Variants in RBFOX1 observed in about 807,000 individuals in gnomAD.
RBFOX1 encodes the protein RNA binding protein fox-1 homolog 1.
Under a neutral mutation model 57.7 loss-of-function variants are expected in RBFOX1, and 8 were observed. That is an observed-to-expected ratio of 0.14 (90% CI 0.08 to 0.25). The LOEUF is 0.25. Among genes scored for constraint, RBFOX1 ranks in the 10% least tolerant of loss-of-function variants. The pLI is 1.00. For missense variants in RBFOX1, 611 were observed against 548.5 expected, an observed-to-expected ratio of 1.11 and a Z score of -1.14; for synonymous variants, 326 against 222.4, an observed-to-expected ratio of 1.47 and a Z score of -4.15.
At chr16:6,178,663 G>A (rs189410707) in intron 1 of RBFOX1, among the ~76,000 whole-genome samples, 92 of 152,210 alleles carry the variant, frequency 6.0e-4, no homozygotes, top group African/African-American at 2.1e-3. Context: ...TAGAATCTTT[G>A]AGCCCGGATG....
At chr16:6,924,130 C>G (rs534052228) in intron 3 of RBFOX1, among the ~76,000 whole-genome samples, 1 of 152,034 alleles carries the variant, frequency 6.6e-6, no homozygotes, top group South Asian at 2.1e-4. Context: ...GATTGTACCA[C>G]TGCACTCCAG....
In RBFOX1 at chr16:7,487,519, G is replaced by A. The variant is rs191376274; in HGVS notation, c.28-30628G>A. The stretch of plus-strand genomic sequence containing the variant: ...TATTAGTTGAGTAAATGCATGAATG[G>A]ATGAACATTCCTTAAAGTGGGAATG... On this transcript the variant is annotated intron_variant, in intron 4 of 15. Coordinates refer to ENST00000550418, the MANE Select transcript of RBFOX1 (RefSeq NM_018723.4). Among the ~76,000 whole-genome samples, 457 of 152,304 alleles carry A rather than the reference G, an allele frequency of 3.0e-3. 5 individuals carry two copies. Among genetic ancestry groups the A allele is most frequent in the Middle Eastern group, 0.01 (3 of 294 alleles).
chr16:6,728,579 C>T (rs2067789921), intron 3 of RBFOX1, among the ~76,000 whole-genome samples: 1 of 152,184 alleles, frequency 6.6e-6, no homozygotes, highest in Non-Finnish European at 1.5e-5. Flanking sequence ...CACAATTACT[C>T]AATATAGGGA....
chr16:5,457,197 C>G (rs760840744), intron 1 of RBFOX1, among the ~76,000 whole-genome samples: 3 of 152,132 alleles, frequency 2.0e-5, no homozygotes, highest in Non-Finnish European at 4.4e-5. Flanking sequence ...AGTGCAGTGA[C>G]ATGATCTTGG....
chr16:5,383,507 A>G (rs1017444914), intron 1 of RBFOX1, among the ~76,000 whole-genome samples: 1 of 152,346 alleles, frequency 6.6e-6, no homozygotes, highest in African/African-American at 2.4e-5. Context: ...CACTAGTTGA[A>G]TCATATCAAA....
intron 4 of RBFOX1, among the ~76,000 whole-genome samples, chr16:7,290,522 G>C (rs148148032): frequency 6.6e-6 from 1 of 152,180 alleles, no homozygotes; most frequent in Admixed American, 6.5e-5. Flanking sequence ...GGTAGCTGAC[G>C]ATTGAATAAA....
rs542530496 is a variant in RBFOX1 at position 6,361,906 on chromosome 16, T to G, written c.-64+44849T>G. ...TTTATTGATCCAGCCGTTTTTGTTT[T>G]TTTTCACTCATTCATTCAACAAACA... On this transcript the variant is annotated intron_variant, in intron 2 of 15. Transcript: ENST00000550418. 7.9e-5 allele frequency among the ~76,000 whole-genome samples: 12 copies of G among 152,296 alleles called. No homozygotes were observed. The South Asian group carries it at 2.5e-3, about 32-fold the overall frequency.
At chr16:5,251,287 T>C (rs1479758850) in intron 1 of RBFOX1, among the ~76,000 whole-genome samples, 1 of 152,216 alleles carries the variant, frequency 6.6e-6, no homozygotes, top group Non-Finnish European at 1.5e-5. Context: ...ATGGGGATAA[T>C]GTGATACTAC....
chr16:6,833,493 C>G (rs1373420096), intron 3 of RBFOX1, among the ~76,000 whole-genome samples: 1 of 152,148 alleles, frequency 6.6e-6, no homozygotes, highest in African/African-American at 2.4e-5. Flanking sequence ...CTCCCACCTT[C>G]TCAGGGAGAC....
chr16:7,310,786 C>A (rs1244735048), intron 4 of RBFOX1, among the ~76,000 whole-genome samples: 1 of 152,242 alleles, frequency 6.6e-6, no homozygotes, highest in Non-Finnish European at 1.5e-5. Flanking sequence ...ACCTGTCCAT[C>A]CACCCATTCC....
At chr16:7,156,441 A>G (rs1395205226) in intron 4 of RBFOX1, among the ~76,000 whole-genome samples, 3 of 152,106 alleles carry the variant, frequency 2.0e-5, no homozygotes, top group East Asian at 3.9e-4. Flanking sequence ...ACATGTAGAT[A>G]TGCATATATG....
At chr16:7,240,185 T>G (rs1421380551) in intron 4 of RBFOX1, among the ~76,000 whole-genome samples, 1 of 152,200 alleles carries the variant, frequency 6.6e-6, no homozygotes, top group Non-Finnish European at 1.5e-5. Context: ...CAAGCTGGTC[T>G]TGAACTCCTG....
chr16:6,257,266 C>G (rs1432547335), intron 1 of RBFOX1, among the ~76,000 whole-genome samples: 1 of 152,042 alleles, frequency 6.6e-6, no homozygotes, highest in African/African-American at 2.4e-5. Flanking sequence ...CTCTCCCTCC[C>G]CATGATGTAT....
chr16:7,149,842 G>T (rs373087618), intron 4 of RBFOX1, among the ~76,000 whole-genome samples: 2 of 152,240 alleles, frequency 1.3e-5, no homozygotes, highest in East Asian at 3.9e-4. Flanking sequence ...AAGGCTCCCA[G>T]TCGGAGCACC....
intron 4 of RBFOX1, among the ~76,000 whole-genome samples, chr16:7,135,024 A>G (rs1016857985): frequency 3.9e-5 from 6 of 152,080 alleles, no homozygotes; most frequent in Admixed American, 1.3e-4. Flanking sequence ...ATACAGAGAT[A>G]TCATTCTGAG....
At chr16:6,316,711 A>T (rs745385885) in intron 1 of RBFOX1, among the ~76,000 whole-genome samples, 2 of 152,160 alleles carry the variant, frequency 1.3e-5, no homozygotes, top group Admixed American at 6.6e-5. Flanking sequence ...CACGATGTAC[A>T]TGCATGTCTT....
intron 3 of RBFOX1, among the ~76,000 whole-genome samples, chr16:7,037,451 C>T (rs984284706): frequency 6.6e-6 from 1 of 151,954 alleles, no homozygotes; most frequent in Non-Finnish European, 1.5e-5. Flanking sequence ...TGGAGTTGCT[C>T]TGGTTCATAA....
intron 1 of RBFOX1, among the ~76,000 whole-genome samples, chr16:6,303,216 T>A (rs2152746211): frequency 6.6e-6 from 1 of 152,352 alleles, no homozygotes; most frequent in East Asian, 1.9e-4. Flanking sequence ...AAATATGATG[T>A]CCACATTTCA....
chr16:6,680,225 A>G (rs569100884), intron 3 of RBFOX1, among the ~76,000 whole-genome samples: 17 of 150,296 alleles, frequency 1.1e-4, no homozygotes, highest in African/African-American at 3.2e-4. Flanking sequence ...TCGAAGTACA[A>G]TTTTTACTAT....
Sources: gnomAD v4.1 joint callset for allele counts (sites outside exome capture counted in the v4.1 genomes callset) on GRCh38, gnomAD v4.1.1 for gene constraint, MANE v1.5 for transcripts, NCBI Gene and HGNC (gene_info 2026-07-23, HGNC 2026-07-21) for gene names.